Variants in PREX2 observed in about 807,000 individuals in gnomAD.
The protein encoded by PREX2 is phosphatidylinositol-3,4,5-trisphosphate dependent Rac exchange factor 2, also known as phosphatidylinositol 3,4,5-trisphosphate-dependent Rac exchanger 2 protein.
In PREX2, 107 loss-of-function variants were observed where a neutral mutation model predicts 203.2. The ratio of observed to expected loss-of-function variants is 0.53; its 90% CI spans 0.45 to 0.62. PREX2 has a LOEUF of 0.62. PREX2 is among the 20% of genes least tolerant of loss of function. PREX2 has a pLI of 0.00. For missense variants in PREX2, 1,777 were observed against 1,955.9 expected, an observed-to-expected ratio of 0.91 and a Z score of 1.72; for synonymous variants, 672 against 663.6, an observed-to-expected ratio of 1.01 and a Z score of -0.19.
In PREX2 at chr8:67,975,209, C is replaced by T. The variant is rs186501476; in HGVS notation, c.141+22674C>T. 5.1e-4 allele frequency among the ~76,000 whole-genome samples: 76 copies of T among 150,354 alleles called. 1 individual carries two copies. Among genetic ancestry groups the T allele is most frequent in the Middle Eastern group, 7.0e-3 (2 of 284 alleles). On this transcript the variant is annotated intron_variant, in intron 1 of 39. Transcript: ENST00000288368. ...GTTCATGGTCTCCTCTAGTCGGGGC[C>T]TCTCAGTCTTTTGAAATTATAATGA...
chr8:68,018,926 G>C (rs942801269), intron 2 of PREX2, among the ~76,000 whole-genome samples: 7 of 152,110 alleles, frequency 4.6e-5, no homozygotes, highest in African/African-American at 1.7e-4. Flanking sequence ...TTTCCTCCCA[G>C]GAGAGTATTT....
chr8:68,141,841 AT>A lies in PREX2; in HGVS notation c.4087+3330del, dbSNP rs5892139. On this transcript the variant is annotated intron_variant, in intron 33 of 39. Coordinates refer to ENST00000288368, the MANE Select transcript of PREX2 (RefSeq NM_024870.4). ...CTACCAGAGACCTTTTCCTCTTGCAATTTTTTGAAACTTTTAAATATTATAT... is the reference window on the plus strand; with the variant it reads ...CTACCAGAGACCTTTTCCTCTTGCAATTTTTGAAACTTTTAAATATTATAT... Among the ~76,000 whole-genome samples the A allele has an allele frequency of 2.6e-3, 400 of 152,282 alleles. 2 individuals are homozygous for A. Among genetic ancestry groups the A allele is most frequent in the African/African-American group, 9.2e-3 (384 of 41,564 alleles).
intron 31 of PREX2, among the ~76,000 whole-genome samples, chr8:68,130,891 A>C (rs577594529): frequency 6.6e-6 from 1 of 152,346 alleles, no homozygotes; most frequent in African/African-American, 2.4e-5. Context: ...GAATTTCACA[A>C]GGGGAGATAA....
chr8:68,030,183 CAA>C (rs1563508524), intron 5 of PREX2, among the ~76,000 whole-genome samples: 1 of 151,964 alleles, frequency 6.6e-6, no homozygotes, highest in Non-Finnish European at 1.5e-5. Context: ...TCTGTTAGAA[CAA>C]AAGTCAAATT....
At chr8:67,980,091 A>AGGT (rs928834138) in intron 1 of PREX2, among the ~76,000 whole-genome samples, 2 of 152,226 alleles carry the variant, frequency 1.3e-5, no homozygotes, top group African/African-American at 4.8e-5. Context: ...TTGAGCAAAG[A>AGGT]GGTGAAAAAG....
intron 22 of PREX2, 28 bp from the exon 23 acceptor site, chr8:68,099,654 G>A: frequency 1.9e-6 from 3 of 1,604,642 alleles, no homozygotes; most frequent in Non-Finnish European, 1.7e-6. Context: ...TTGTGTGTGT[G>A]GGTGTGCGTG....
At chr8:68,146,383 A>T (rs1331333222) in intron 34 of PREX2, 31 bp downstream of exon 34, 1 of 1,545,188 alleles carries the variant, frequency 6.5e-7, no homozygotes. Flanking sequence ...TGGCTGCTAT[A>T]CTTTAATTAT....
chr8:67,955,945 C>T (rs949225721), intron 1 of PREX2, among the ~76,000 whole-genome samples: 2 of 152,192 alleles, frequency 1.3e-5, no homozygotes, highest in Non-Finnish European at 1.5e-5. Flanking sequence ...GCCTTTAAAA[C>T]AGAAACATGA....
chr8:68,105,624 A>G, intron 23 of PREX2: 13 of 1,052,546 alleles, frequency 1.2e-5, no homozygotes, highest in Non-Finnish European at 1.5e-5. Context: ...ATAATTGTAT[A>G]TATACAGTCA....
chr8:68,162,358 T>C (rs1811673742), intron 35 of PREX2, among the ~76,000 whole-genome samples: 10 of 152,174 alleles, frequency 6.6e-5, no homozygotes, highest in Admixed American at 6.6e-4. Context: ...CATATAGAAA[T>C]ATGATATTAA....
intron 8 of PREX2, among the ~76,000 whole-genome samples, chr8:68,051,676 G>A (rs750450849): frequency 3.3e-5 from 5 of 152,046 alleles, no homozygotes; most frequent in Non-Finnish European, 5.9e-5. Flanking sequence ...GAATTATGAA[G>A]TTCTCTTACT....
intron 1 of PREX2, among the ~76,000 whole-genome samples, chr8:67,967,538 C>A (rs371788370): frequency 1.3e-5 from 2 of 152,150 alleles, no homozygotes; most frequent in Non-Finnish European, 2.9e-5. Flanking sequence ...GAACCCAGCA[C>A]GCTGTGCAGT....
intron 8 of PREX2, among the ~76,000 whole-genome samples, chr8:68,046,688 C>T (rs1808362866): frequency 6.6e-6 from 1 of 151,930 alleles, no homozygotes; most frequent in Non-Finnish European, 1.5e-5. Flanking sequence ...AAGATGAAAA[C>T]ATTTATTACA....
intron 35 of PREX2, among the ~76,000 whole-genome samples, chr8:68,169,179 T>C (rs1585841855): frequency 6.6e-6 from 1 of 151,636 alleles, no homozygotes; most frequent in Non-Finnish European, 1.5e-5. Flanking sequence ...TACAAACGAG[T>C]GTTCTATTCT....
In PREX2 at chr8:68,099,708, T is replaced by G; in HGVS notation, c.2580T>G (p.Asp860Glu). Reference sequence around the variant, plus strand: ...TTCTTGAAGCCCTGGCTAAAAGTGATGAGCATTTTGTACAAAACTGTACCA... The same window carrying G: ...TTCTTGAAGCCCTGGCTAAAAGTGAGGAGCATTTTGTACAAAACTGTACCA... Reference protein sequence around the residue: ...AKILEALAKSDEHFVQNCTSL... With the variant: ...AKILEALAKSEEHFVQNCTSL... The change falls in exon 23 of 40, where the codon GAT becomes GAG. Residue 860 changes from aspartate to glutamate, a missense_variant. Asp to Glu is a conservative substitution (Grantham distance 45). Transcript: ENST00000288368. 6.2e-7 allele frequency: 1 copy of G among 1,613,884 alleles called. No individual in the cohort carries two copies. Among genetic ancestry groups the G allele is most frequent in the Non-Finnish European group, 8.5e-7 (1 of 1,179,880 alleles).
chr8:67,988,722 C>T (rs1806510281), intron 1 of PREX2, among the ~76,000 whole-genome samples: 1 of 152,198 alleles, frequency 6.6e-6, no homozygotes, highest in African/African-American at 2.4e-5. Flanking sequence ...TTGACCAGCT[C>T]AGCCTTTTGT....
chr8:67,999,416 G>A (rs1169304307), intron 1 of PREX2, among the ~76,000 whole-genome samples: 2 of 129,492 alleles, frequency 1.5e-5, no homozygotes, highest in African/African-American at 5.8e-5. Flanking sequence ...TGAAGAAATC[G>A]ATTCCCTAAA....
chr8:68,069,002 T>C (rs768670368), intron 11 of PREX2, 31 bp from the exon 12 acceptor site: 5 of 902,208 alleles, frequency 5.5e-6, no homozygotes, highest in Admixed American at 5.7e-5. Flanking sequence ...TAGAGTATCG[T>C]TATTTTAATA....
At chr8:68,003,740 T>G (rs7013549) in intron 1 of PREX2, among the ~76,000 whole-genome samples, 104,005 of 151,880 alleles carry the variant, frequency 0.68, 35,867 homozygotes, top group South Asian at 0.81. Context: ...AGATATGAAA[T>G]AATCCTTTTC....
Sources: gnomAD v4.1 joint callset for allele counts (sites outside exome capture counted in the v4.1 genomes callset) on GRCh38, gnomAD v4.1.1 for gene constraint, MANE v1.5 for transcripts, NCBI Gene and HGNC (gene_info 2026-07-23, HGNC 2026-07-21) for gene names.